Variants in PKHD1 observed in about 807,000 individuals in gnomAD.
PKHD1 encodes the protein PKHD1 ciliary IPT domain containing fibrocystin/polyductin, also known as fibrocystin.
Under a neutral mutation model 412.0 loss-of-function variants are expected in PKHD1, and 291 were observed. The ratio of observed to expected loss-of-function variants is 0.71; its 90% confidence interval spans 0.64 to 0.78. PKHD1 has a LOEUF of 0.78. Among genes scored for constraint, PKHD1 ranks in the 30% least tolerant of loss-of-function variants. PKHD1 has a pLI of 0.00. For synonymous variants in PKHD1, 1,777 were observed against 1,821.5 expected, an observed-to-expected ratio of 0.98 and a Z score of 0.62; for missense variants, 4,825 against 4,950.7, an observed-to-expected ratio of 0.97 and a Z score of 0.76.
At chr6:51,836,133 C>T (rs1313241943) in intron 51 of PKHD1, among the ~76,000 whole-genome samples, 1 of 152,294 alleles carries the variant, frequency 6.6e-6, no homozygotes, top group African/African-American at 2.4e-5. Context: ...GTCCTATGTG[C>T]ACATATGGTC....
At chr6:51,760,314 T>C (rs953539947) in intron 55 of PKHD1, among the ~76,000 whole-genome samples, 22 of 152,122 alleles carry the variant, frequency 1.4e-4, no homozygotes, top group African/African-American at 5.1e-4. Flanking sequence ...TGCTGTGCAC[T>C]AGACACTAAT....
chr6:51,758,455 C>T (rs1787434684), intron 55 of PKHD1, among the ~76,000 whole-genome samples: 1 of 152,132 alleles, frequency 6.6e-6, no homozygotes, highest in African/African-American at 2.4e-5. Flanking sequence ...ATTATGGTTA[C>T]CCTTCAATCA....
chr6:51,674,197 T>G (rs879228640), intron 60 of PKHD1, among the ~76,000 whole-genome samples: 1 of 152,226 alleles, frequency 6.6e-6, no homozygotes, highest in Non-Finnish European at 1.5e-5. Flanking sequence ...TGTGGCAGGA[T>G]GGTGGTCACA....
chr6:51,798,454 C>T (rs1794930192), intron 52 of PKHD1, among the ~76,000 whole-genome samples: 1 of 152,122 alleles, frequency 6.6e-6, no homozygotes, highest in African/African-American at 2.4e-5. Flanking sequence ...TATCTACCCC[C>T]AATCTCTTTT....
intron 11 of PKHD1, among the ~76,000 whole-genome samples, chr6:52,068,362 A>G (rs1266726804): frequency 6.6e-6 from 1 of 152,176 alleles, no homozygotes; most frequent in Non-Finnish European, 1.5e-5. Flanking sequence ...AATGTAAAAG[A>G]GCTGTGTCAT....
intron 64 of PKHD1, among the ~76,000 whole-genome samples, chr6:51,633,936 A>G (rs1052471933): frequency 3.3e-5 from 5 of 152,170 alleles, no homozygotes; most frequent in African/African-American, 7.2e-5. Flanking sequence ...GGGGTGATGA[A>G]TATATTCATT....
rs1374086784 is a variant in PKHD1 at position 51,748,464 on chromosome 6, A to G, written c.9152T>C (p.Ile3051Thr). The change falls in exon 58 of 67, where the codon ATA becomes ACA. Residue 3051 changes from isoleucine (I) to threonine (T), a missense_variant. Coordinates refer to ENST00000371117, the MANE Select transcript of PKHD1 (RefSeq NM_138694.4). ...NIVFGTAGHG[I>T]DLEGQAYTVT... ...AGTATAGGCCTGACCCTCTAAATCT[A>G]TGCCATGGCCAGCTGTGCCAAACAC... 6 of 1,613,838 alleles carry G rather than the reference A, an allele frequency of 3.7e-6. No individual in the cohort carries two copies. The highest frequency in any genetic ancestry group is 1.7e-5 in the Admixed American group (1 of 59,946).
intron 55 of PKHD1, among the ~76,000 whole-genome samples, chr6:51,766,304 T>C (rs1788992055): frequency 6.6e-6 from 1 of 152,124 alleles, no homozygotes; most frequent in Non-Finnish European, 1.5e-5. Flanking sequence ...CTTGCTGTGC[T>C]GTATGTCCTT....
intron 52 of PKHD1, among the ~76,000 whole-genome samples, chr6:51,804,923 T>C (rs1370138039): frequency 1.3e-5 from 2 of 151,302 alleles, no homozygotes; most frequent in Non-Finnish European, 2.9e-5. Context: ...GCTTATACAC[T>C]GTTGGTGGGA....
chr6:51,619,209 C>T lies in PKHD1; in HGVS notation c.12097G>A (p.Gly4033Arg). ...DFRQERQQLP[G>R]QSRLSKQSGS... ...CTTTGCTTACTCAGCCGACTTTGCC[C>T]TGGCAACTGCTGCCTCTCTTGTCTG... Residue 4033 changes from glycine (G) to arginine (R), a missense_variant, in exon 67 of 67, where the codon GGG (glycine) becomes AGG (arginine). Gly to Arg is a moderately radical substitution (Grantham distance 125). Coordinates refer to ENST00000371117, the MANE Select transcript of PKHD1 (RefSeq NM_138694.4). The T allele has an allele frequency of 6.2e-7, 1 of 1,614,258 alleles. No individual in the cohort carries two copies.
Position 52,058,547 on chromosome 6 carries a change from G to T in PKHD1, c.1288C>A (p.Gln430Lys), listed in dbSNP as rs727504094. ...GTADWFDSWE[Q>K]NRDEGTWQQK... ...TGCCAGGTCCCTTCATCCCTATTCT[G>T]CTCCCAGGAGTCAAACCAGTCAGCA... is the stretch of plus-strand genomic sequence containing the variant. The change falls in exon 16 of 67, where the codon CAG becomes AAG. Residue 430 changes from glutamine to lysine, a missense_variant. By Grantham distance (53) the Gln-to-Lys change is moderately conservative. Coordinates refer to ENST00000371117, the MANE Select transcript of PKHD1 (RefSeq NM_138694.4). 2.2e-5 allele frequency: 36 copies of T among 1,614,138 alleles called. No homozygotes were observed. The highest frequency in any genetic ancestry group is 3.3e-4 in the Middle Eastern group (2 of 6,060).
At chr6:51,805,418 A>T (rs59348449) in intron 52 of PKHD1, among the ~76,000 whole-genome samples, 27 of 152,236 alleles carry the variant, frequency 1.8e-4, no homozygotes, top group African/African-American at 6.5e-4. Context: ...AGAGCTACCT[A>T]TTGGGTGCTA....
chr6:51,846,219 C>A (rs370770050), intron 50 of PKHD1, among the ~76,000 whole-genome samples: 1 of 152,172 alleles, frequency 6.6e-6, no homozygotes, highest in Non-Finnish European at 1.5e-5. Flanking sequence ...ACCAAGGGAG[C>A]ACCAGACTCT....
intron 43 of PKHD1, among the ~76,000 whole-genome samples, chr6:51,901,657 A>C (rs1019050140): frequency 6.7e-6 from 1 of 150,214 alleles, no homozygotes; most frequent in Non-Finnish European, 1.5e-5. Context: ...GTACCCTAAA[A>C]CTTAAAGTAT....
intron 61 of PKHD1, among the ~76,000 whole-genome samples, chr6:51,656,666 T>TC (rs1445687823): frequency 6.6e-6 from 1 of 150,504 alleles, no homozygotes; most frequent in South Asian, 2.1e-4. Flanking sequence ...TTTCTTTCTT[T>TC]TTTTTTTTTT....
At chr6:51,675,916 G>A (rs1775761908) in intron 60 of PKHD1, among the ~76,000 whole-genome samples, 1 of 152,164 alleles carries the variant, frequency 6.6e-6, no homozygotes, top group African/African-American at 2.4e-5. Flanking sequence ...GTGTGCCTAT[G>A]AGCACTTGCT....
At position 52,070,462 on chromosome 6, in the gene PKHD1, C is replaced by T. The variant is rs376319599; in HGVS notation, c.668-17G>A. ...TCTGGGAGCCTGTAACACAAAGAAA[C>T]ACACATTAACTCAGGAATCTGCACG... On this transcript the variant is annotated splice_polypyrimidine_tract_variant and intron_variant, in intron 9 of 66. Transcript: ENST00000371117. 77 of 1,600,818 alleles carry T rather than the reference C, an allele frequency of 4.8e-5. No individual in the cohort carries two copies. The South Asian group carries it at 7.9e-4, about 16-fold the overall frequency.
intron 11 of PKHD1, among the ~76,000 whole-genome samples, chr6:52,067,853 T>C (rs1221294688): frequency 6.6e-6 from 1 of 151,872 alleles, no homozygotes; most frequent in African/African-American, 2.4e-5. Flanking sequence ...CATAAGAGGA[T>C]GGTGAATAGG....
intron 52 of PKHD1, among the ~76,000 whole-genome samples, chr6:51,817,472 T>C (rs1765655697): frequency 6.6e-6 from 1 of 152,096 alleles, no homozygotes; most frequent in South Asian, 2.1e-4. Context: ...CCCTATGATA[T>C]ACTGAGGGGA....
Sources: gnomAD v4.1 joint callset for allele counts (sites outside exome capture counted in the v4.1 genomes callset) on GRCh38, gnomAD v4.1.1 for gene constraint, MANE v1.5 for transcripts, NCBI Gene and HGNC (gene_info 2026-07-23, HGNC 2026-07-21) for gene names.